The following C6 variants were observed in gnomAD, a reference collection of about 807,000 sequenced individuals.
C6 encodes the protein complement C6.
Under a neutral mutation model 112.9 loss-of-function variants are expected in C6, and 101 were observed. That is an observed-to-expected ratio of 0.89 (90% CI 0.76 to 1.06). C6 has a LOEUF of 1.06. Among genes scored for constraint, C6 ranks in the 50% least tolerant of loss-of-function variants. The probability of loss-of-function intolerance (pLI) is 0.00; values close to 1 mark genes in which losing one functional copy is unlikely to be tolerated. For missense variants in C6, 1,202 were observed against 1,104.6 expected (o/e 1.09, Z -1.25); for synonymous variants, 431 against 384.1 (o/e 1.12, Z -1.43).
Position 41,160,135 on chromosome 5 carries a change from T to A in C6, c.1684+7A>T. 6.3e-7 allele frequency: 1 copy of A among 1,598,856 alleles called. No homozygotes were observed. Among genetic ancestry groups the A allele is most frequent in the Non-Finnish European group, 8.6e-7 (1 of 1,166,214 alleles). ...TATCTACCTCACAATAGATTCCTGA[T>A]ACTTACTGGATTTATAATCTGGAGA... is the stretch of plus-strand genomic sequence containing the variant. On this transcript the variant is annotated splice_region_variant and intron_variant, in intron 11 of 17. Transcript: ENST00000337836.
chr5:41,256,714 T>C (rs961499593), intron 1 of C6, among the ~76,000 whole-genome samples: 13 of 152,340 alleles, frequency 8.5e-5, no homozygotes, highest in Middle Eastern at 3.4e-3. Context: ...AACTGCACCG[T>C]ATTCCAAGCC....
chr5:41,206,673 AG>A (rs1751460884), intron 1 of C6, among the ~76,000 whole-genome samples: 1 of 152,230 alleles, frequency 6.6e-6, no homozygotes, highest in South Asian at 2.1e-4. Flanking sequence ...AGAAGTTTAG[AG>A]AAAAAAGAGT....
intron 5 of C6, among the ~76,000 whole-genome samples, chr5:41,191,218 C>G (rs1006979346): frequency 6.6e-6 from 1 of 152,038 alleles, no homozygotes; most frequent in South Asian, 2.1e-4. Flanking sequence ...AGATGCCCAC[C>G]ACCACGCCTG....
At chr5:41,144,684 C>A (rs1009449634) in intron 17 of C6, among the ~76,000 whole-genome samples, 5 of 152,088 alleles carry the variant, frequency 3.3e-5, no homozygotes, top group Non-Finnish European at 7.4e-5. Context: ...TATTTCATCA[C>A]CCAGGTAATA....
intron 1 of C6, among the ~76,000 whole-genome samples, chr5:41,226,489 T>C (rs1018654248): frequency 2.0e-5 from 3 of 152,172 alleles, no homozygotes; most frequent in Non-Finnish European, 4.4e-5. Context: ...ATAGCAGTTT[T>C]CAACTGTAGA....
At chr5:41,224,831 T>C (rs957049401) in intron 1 of C6, among the ~76,000 whole-genome samples, 1 of 152,184 alleles carries the variant, frequency 6.6e-6, no homozygotes, top group African/African-American at 2.4e-5. Flanking sequence ...GTCAAATTAT[T>C]TTCTGTAGCG....
chr5:41,219,278 T>C (rs942164017), intron 1 of C6, among the ~76,000 whole-genome samples: 1 of 152,172 alleles, frequency 6.6e-6, no homozygotes, highest in African/African-American at 2.4e-5. Context: ...CTGGAAATCA[T>C]GCTTCCAAAT....
chr5:41,171,280 G>C (rs565702403), intron 9 of C6, among the ~76,000 whole-genome samples: 10 of 152,288 alleles, frequency 6.6e-5, no homozygotes, highest in Admixed American at 5.9e-4. Flanking sequence ...TGGTTTGGCT[G>C]ATTTAGTTGA....
chr5:41,236,170 G>A (rs1192192372), intron 1 of C6, among the ~76,000 whole-genome samples: 1 of 106,172 alleles, frequency 9.4e-6, no homozygotes, highest in Non-Finnish European at 1.9e-5. Context: ...TGTCCTGAAT[G>A]GTAATGCCTA....
intron 7 of C6, 29 bp from the exon 8 acceptor site, chr5:41,176,744 A>G: frequency 6.3e-7 from 1 of 1,594,676 alleles, no homozygotes; most frequent in Non-Finnish European, 8.6e-7. Flanking sequence ...TAAAAAGATG[A>G]TTAAAGGTAA....
At chr5:41,180,481 G>A (rs1246342893) in intron 7 of C6, among the ~76,000 whole-genome samples, 3 of 152,040 alleles carry the variant, frequency 2.0e-5, no homozygotes, top group Non-Finnish European at 4.4e-5. Flanking sequence ...GAAAATAATA[G>A]GAGAAAAAGG....
chr5:41,235,336 T>C lies in C6; in HGVS notation c.-21+25858A>G, dbSNP rs1197133525. Among the ~76,000 whole-genome samples, 508 of 145,678 alleles carry C rather than the reference T, an allele frequency of 3.5e-3. 3 individuals are homozygous for C. The highest frequency in any genetic ancestry group is 0.013 in the African/African-American group (494 of 38,836). On this transcript the variant is annotated intron_variant, in intron 1 of 17. Transcript: ENST00000263413. Reference sequence around the variant, plus strand: ...GTGAGAATATGCGGTGTTTGGTTTTTTGTTCTTGCGATAGTTTACTGAGAA... The same window carrying C: ...GTGAGAATATGCGGTGTTTGGTTTTCTGTTCTTGCGATAGTTTACTGAGAA...
intron 1 of C6, among the ~76,000 whole-genome samples, chr5:41,205,369 G>A (rs1216911514): frequency 6.6e-6 from 1 of 152,224 alleles, no homozygotes. Flanking sequence ...TCTCACTGGG[G>A]CTTGTCGGAC....
upstream of C6, among the ~76,000 whole-genome samples, chr5:41,215,895 A>G (rs1752180723): frequency 6.6e-6 from 1 of 152,276 alleles, no homozygotes; most frequent in East Asian, 1.9e-4. Context: ...TCACATGCTA[A>G]GTATTCACAT....
At chr5:41,177,233 A>C (rs1254401190) in intron 7 of C6, among the ~76,000 whole-genome samples, 1 of 152,142 alleles carries the variant, frequency 6.6e-6, no homozygotes, top group African/African-American at 2.4e-5. Flanking sequence ...ACCTGGTAAC[A>C]CTTCACATCT....
chr5:41,200,917 T>TTTTTTTTTTTTTC, intron 3 of C6, among the ~76,000 whole-genome samples: 1 of 108,414 alleles, frequency 9.2e-6, no homozygotes, highest in Non-Finnish European at 2.0e-5. Flanking sequence ...TTTTTTTTTT[T>TTTTTTTTTTTTTC]TAGTACGAGT....
chr5:41,149,182 G>T (rs1014588), intron 17 of C6, 59 bp downstream of exon 17: 103 of 1,581,104 alleles, frequency 6.5e-5, no homozygotes, highest in Non-Finnish European at 8.4e-5. Flanking sequence ...GAAAGATGAT[G>T]TACTAGCTGA....
At chr5:41,189,769 C>G (rs1048961394) in intron 5 of C6, among the ~76,000 whole-genome samples, 12 of 152,062 alleles carry the variant, frequency 7.9e-5, no homozygotes, top group Non-Finnish European at 1.5e-5. Context: ...CTATCCTCCC[C>G]TTCCCCTACT....
rs371213901 is a variant in C6 at position 41,199,759 on chromosome 5, A to G, written c.445+9T>C. On this transcript the variant is annotated intron_variant, in intron 4 of 17. Transcript: ENST00000337836. ...AGTGGGGACTGAACATTTCACAAAA[A>G]TACATTACCACTGTCACAGCGAAAT... is the stretch of plus-strand genomic sequence containing the variant. The G allele has an allele frequency of 2.5e-5, 40 of 1,613,370 alleles. No homozygotes were observed. Among genetic ancestry groups the G allele is most frequent in the Non-Finnish European group, 3.4e-5 (40 of 1,179,520 alleles).
Sources: allele counts gnomAD v4.1 joint callset (sites outside exome capture counted in the v4.1 genomes callset), GRCh38; gene constraint gnomAD v4.1.1; transcripts MANE v1.5; gene names NCBI Gene and HGNC (gene_info 2026-07-23, HGNC 2026-07-21).